Variants in MDGA2 observed in about 807,000 individuals in gnomAD.
MDGA2 encodes MAM domain-containing glycosylphosphatidylinositol anchor protein 2.
In MDGA2, 40 loss-of-function variants were observed where a neutral mutation model predicts 117.8. That is an observed-to-expected ratio of 0.34 (90% confidence interval 0.26 to 0.44). MDGA2 has a LOEUF of 0.44. MDGA2 is among the 20% of genes least tolerant of loss of function. The probability of loss-of-function intolerance (pLI) is 1.00; values close to 1 mark genes in which losing one functional copy is unlikely to be tolerated. For missense variants in MDGA2, 1,123 were observed against 1,250.6 expected, an observed-to-expected ratio of 0.90 and a Z score of 1.54; for synonymous variants, 452 against 439.0, an observed-to-expected ratio of 1.03 and a Z score of -0.37.
chr14:47,084,915 T>A (rs1315992894), intron 6 of MDGA2, among the ~76,000 whole-genome samples: 1 of 147,182 alleles, frequency 6.8e-6, no homozygotes, highest in African/African-American at 2.6e-5. Flanking sequence ...TCTATGGTAT[T>A]TTTGTTACAG....
chr14:47,600,719 T>A lies in MDGA2; in HGVS notation c.280+73798A>T, dbSNP rs148870426. Among the ~76,000 whole-genome samples, 311 of 135,884 alleles carry A rather than the reference T, an allele frequency of 2.3e-3. 3 individuals are homozygous for A. Among genetic ancestry groups the A allele is most frequent in the African/African-American group, 0.011 (301 of 27,336 alleles). 89.1% of individuals were successfully genotyped at this position (135,884 alleles called of 152,430 possible). ...ACGAGTTGTGTCTTTTCTCATCGGA[T>A]CATTAAAAAAAAAAAAAGTAGGGAA... On this transcript the variant is annotated intron_variant, in intron 1 of 16. Transcript: ENST00000399232.
chr14:46,889,550 A>C (rs995818640), intron 10 of MDGA2, among the ~76,000 whole-genome samples: 2 of 152,114 alleles, frequency 1.3e-5, no homozygotes, highest in African/African-American at 4.8e-5. Context: ...TCTAGCGTCT[A>C]GCATGCATAG....
At chr14:47,090,542 A>AAT (rs1329358027) in intron 6 of MDGA2, among the ~76,000 whole-genome samples, 2 of 152,174 alleles carry the variant, frequency 1.3e-5, no homozygotes, top group African/African-American at 2.4e-5. Context: ...TGATGTGAAG[A>AAT]ATATAGTTTA....
At chr14:47,347,269 G>A (rs902026658) in intron 1 of MDGA2, among the ~76,000 whole-genome samples, 2 of 152,190 alleles carry the variant, frequency 1.3e-5, no homozygotes, top group African/African-American at 2.4e-5. Flanking sequence ...AGGGAAGAAC[G>A]TGTTAAGAAT....
chr14:47,278,550 T>C (rs1888379224), intron 2 of MDGA2, among the ~76,000 whole-genome samples: 1 of 152,088 alleles, frequency 6.6e-6, no homozygotes. Context: ...GGGTCCAAAA[T>C]TATGGTCCAG....
chr14:47,165,145 G>A (rs1883815446), intron 3 of MDGA2, among the ~76,000 whole-genome samples: 1 of 152,006 alleles, frequency 6.6e-6, no homozygotes. Context: ...AGATATACCT[G>A]ATGTAAATGA....
chr14:47,466,386 T>C (rs528493349), intron 1 of MDGA2, among the ~76,000 whole-genome samples: 1 of 152,236 alleles, frequency 6.6e-6, no homozygotes, highest in African/African-American at 2.4e-5. Context: ...AGGCTGGGAT[T>C]TACATCCTTA....
intron 10 of MDGA2, among the ~76,000 whole-genome samples, chr14:46,891,204 A>G (rs915420984): frequency 3.3e-5 from 5 of 151,948 alleles, no homozygotes; most frequent in Non-Finnish European, 5.9e-5. Context: ...TTTAATCCCA[A>G]GCAAATCAAT....
chr14:47,536,209 C>A (rs1306921079), intron 1 of MDGA2, among the ~76,000 whole-genome samples: 1 of 152,144 alleles, frequency 6.6e-6, no homozygotes, highest in Non-Finnish European at 1.5e-5. Context: ...GTGGAAAATT[C>A]AATCTATCAC....
intron 5 of MDGA2, among the ~76,000 whole-genome samples, chr14:47,106,318 A>G (rs1880672585): frequency 2.6e-5 from 4 of 152,038 alleles, no homozygotes. Flanking sequence ...GGTGTACCAT[A>G]ATAGAAAAAA....
chr14:47,021,517 A>G (rs1304268075), intron 8 of MDGA2, among the ~76,000 whole-genome samples: 1 of 152,136 alleles, frequency 6.6e-6, no homozygotes, highest in Non-Finnish European at 1.5e-5. Flanking sequence ...CTAGCCTTCA[A>G]TCTCTTATTT....
At chr14:47,566,784 C>T (rs1309390339) in intron 1 of MDGA2, among the ~76,000 whole-genome samples, 2 of 151,970 alleles carry the variant, frequency 1.3e-5, no homozygotes, top group Admixed American at 1.3e-4. Context: ...CATCTGTGTC[C>T]TCCCTCTGTC....
intron 9 of MDGA2, among the ~76,000 whole-genome samples, chr14:46,946,533 A>G (rs1293942248): frequency 1.3e-5 from 2 of 152,108 alleles, no homozygotes; most frequent in Non-Finnish European, 2.9e-5. Context: ...AGTGCTTGTT[A>G]AGAGAAATAT....
intron 2 of MDGA2, among the ~76,000 whole-genome samples, chr14:47,282,707 AC>A (rs1352336937): frequency 1.9e-4 from 28 of 148,510 alleles, no homozygotes; most frequent in Admixed American, 2.7e-4. Context: ...AAAAAAAAAA[AC>A]AAAAAACAAA....
chr14:47,059,366 C>T (rs1889799485), intron 7 of MDGA2: 1 of 1,243,846 alleles, frequency 8.0e-7, no homozygotes, highest in East Asian at 5.7e-5. Flanking sequence ...TTTCTTTTAT[C>T]TCCAATAGTG....
chr14:46,954,754 G>C (rs1342096344), intron 9 of MDGA2, among the ~76,000 whole-genome samples: 1 of 151,864 alleles, frequency 6.6e-6, no homozygotes, highest in African/African-American at 2.4e-5. Flanking sequence ...ATATCCACAG[G>C]TTCCAGGGAT....
At chr14:47,357,568 A>G (rs1474180135) in intron 1 of MDGA2, among the ~76,000 whole-genome samples, 1 of 152,162 alleles carries the variant, frequency 6.6e-6, no homozygotes. Context: ...GATACACAGA[A>G]TGGCTGCATT....
intron 7 of MDGA2, among the ~76,000 whole-genome samples, chr14:47,045,826 G>C (rs1385720540): frequency 6.6e-6 from 1 of 151,964 alleles, no homozygotes; most frequent in Admixed American, 6.6e-5. Flanking sequence ...TTAGCCGGGC[G>C]TGGTGGCGGG....
chr14:47,083,017 T>C (rs1890764767), intron 6 of MDGA2, among the ~76,000 whole-genome samples: 1 of 151,828 alleles, frequency 6.6e-6, no homozygotes, highest in Non-Finnish European at 1.5e-5. Context: ...CAATAAGCAA[T>C]TTGTAGACTG....
Sources: allele counts gnomAD v4.1 joint callset (sites outside exome capture counted in the v4.1 genomes callset), GRCh38; gene constraint gnomAD v4.1.1; transcripts MANE v1.5; gene names NCBI Gene and HGNC (gene_info 2026-07-23, HGNC 2026-07-21).